The following GLDN variants were observed in gnomAD, a reference collection of about 807,000 sequenced individuals.
The protein encoded by GLDN is collomin.
GLDN carries 47 observed loss-of-function variants against 56.5 expected under a neutral mutation model. The ratio of observed to expected loss-of-function variants is 0.83; its 90% CI spans 0.66 to 1.06. The LOEUF is 1.06. Ranked by LOEUF, GLDN falls within the 50% of genes least tolerant of loss-of-function variation. GLDN has a pLI of 0.00. For synonymous variants in GLDN, 332 were observed against 278.8 expected, an observed-to-expected ratio of 1.19 and a Z score of -1.90; for missense variants, 782 against 714.3, an observed-to-expected ratio of 1.09 and a Z score of -1.08.
intron 6 of GLDN, among the ~76,000 whole-genome samples, chr15:51,399,323 A>G (rs1347668806): frequency 6.6e-6 from 1 of 152,146 alleles, no homozygotes; most frequent in Non-Finnish European, 1.5e-5. Context: ...GATTTCCATC[A>G]AGCAACCACA....
intron 9 of GLDN, 129 bp from the exon 10 acceptor site, chr15:51,404,148 C>T: frequency 1.4e-6 from 1 of 710,762 alleles, no homozygotes; most frequent in Non-Finnish European, 2.4e-6. Context: ...TACCTGGGAG[C>T]TTGTAAGGAA....
downstream of GLDN, among the ~76,000 whole-genome samples, chr15:51,410,133 T>C (rs868327904): frequency 6.6e-6 from 1 of 152,316 alleles, no homozygotes; most frequent in African/African-American, 2.4e-5. Context: ...ATCTCTATGC[T>C]GTGGTGTCTC....
At position 51,377,497 on chromosome 15, in the gene GLDN, A is replaced by G. The variant is rs749563670; in HGVS notation, c.412A>G (p.Thr138Ala). Residue 138 changes from threonine to alanine, a missense_variant, in exon 2 of 10, where the codon ACA becomes GCA. Thr to Ala is a moderately conservative substitution (Grantham distance 58, BLOSUM62 0). Coordinates refer to ENST00000335449, the MANE Select transcript of GLDN (RefSeq NM_181789.4). ...LCNSTKGICL[T>A]GPSGPPGPPG... The stretch of plus-strand genomic sequence containing the variant: ...CAACAGCACCAAGGGCATCTGCCTC[A>G]CAGGTAGGCTGGCCGCTGAGCAGAG... The G allele has an allele frequency of 1.4e-5, 22 of 1,613,706 alleles. No homozygotes were observed. The Middle Eastern group carries it at 4.9e-4, about 36-fold the overall frequency.
intron 1 of GLDN, among the ~76,000 whole-genome samples, chr15:51,366,333 G>A (rs1241781704): frequency 6.6e-6 from 1 of 152,214 alleles, no homozygotes; most frequent in Non-Finnish European, 1.5e-5. Context: ...TGAGGGAAAA[G>A]CACAAGGACT....
chr15:51,375,677 G>A (rs2037614522), intron 1 of GLDN, among the ~76,000 whole-genome samples: 1 of 152,172 alleles, frequency 6.6e-6, no homozygotes, highest in Non-Finnish European at 1.5e-5. Flanking sequence ...GCCACAGGTG[G>A]TCATCCAGTG....
intron 1 of GLDN, among the ~76,000 whole-genome samples, chr15:51,372,764 C>T (rs145990844): frequency 7.2e-5 from 11 of 152,266 alleles, no homozygotes; most frequent in African/African-American, 1.7e-4. Flanking sequence ...GGCCTGGGAC[C>T]GGGCACTATT....
chr15:51,394,759 A>C (rs2038088448), intron 4 of GLDN, 76 bp from the exon 5 acceptor site: 2 of 1,505,296 alleles, frequency 1.3e-6, no homozygotes, highest in South Asian at 2.4e-5. Context: ...TGGAAAGCAC[A>C]AAGCACAGTA....
In GLDN at chr15:51,400,204, C is replaced by T; in HGVS notation, c.830C>T (p.Ala277Val). ...GTTGTCATTTTAGGTGAGACTTGTGCCATACCAAATGATGATACCTTGGTT... is the reference window on the plus strand; with the variant it reads ...GTTGTCATTTTAGGTGAGACTTGTGTCATACCAAATGATGATACCTTGGTT... ...FNGQCPGETCAIPNDDTLVGK... is the reference protein window; with the variant it reads ...FNGQCPGETCVIPNDDTLVGK... Residue 277 changes from alanine to valine, a missense_variant, in exon 7 of 10, where the codon GCC (alanine) becomes GTC (valine). By Grantham distance (64) the Ala-to-Val change is moderately conservative. Coordinates refer to ENST00000335449, the MANE Select transcript of GLDN (RefSeq NM_181789.4). 6.2e-7 allele frequency: 1 copy of T among 1,613,940 alleles called. No homozygotes were observed.
intron 1 of GLDN, among the ~76,000 whole-genome samples, chr15:51,365,985 C>T (rs941500698): frequency 6.6e-6 from 1 of 152,194 alleles, no homozygotes; most frequent in African/African-American, 2.4e-5. Flanking sequence ...GCAGGACTCA[C>T]AAATAGGCAA....
chr15:51,358,506 A>G (rs559546089), intron 1 of GLDN, among the ~76,000 whole-genome samples: 1 of 152,322 alleles, frequency 6.6e-6, no homozygotes, highest in East Asian at 1.9e-4. Context: ...CTGTGTGGCT[A>G]AAAAAGGACA....
intron 4 of GLDN, among the ~76,000 whole-genome samples, chr15:51,390,354 T>G (rs559215353): frequency 2.6e-5 from 4 of 152,180 alleles, no homozygotes; most frequent in Non-Finnish European, 1.5e-5. Flanking sequence ...CTGTATTCAT[T>G]TGGAAACACT....
At chr15:51,395,023 C>T in intron 5 of GLDN, 42 bp downstream of exon 5, 1 of 1,508,022 alleles carries the variant, frequency 6.6e-7, no homozygotes, top group Middle Eastern at 1.9e-4. Flanking sequence ...GGCTTGTGCG[C>T]CCAGAGAACT....
chr15:51,378,490 G>C (rs545481605), intron 2 of GLDN, among the ~76,000 whole-genome samples: 18 of 152,144 alleles, frequency 1.2e-4, no homozygotes, highest in Admixed American at 3.3e-4. Flanking sequence ...AGGCACAAAA[G>C]CCTGTTGAGA....
In GLDN at chr15:51,400,249, C is replaced by A; in HGVS notation, c.875C>A (p.Ala292Asp). 6.2e-7 allele frequency: 1 copy of A among 1,614,142 alleles called. No homozygotes were observed. Among genetic ancestry groups the A allele is most frequent in the Non-Finnish European group, 8.5e-7 (1 of 1,180,006 alleles). ...DTLVGKADEK[A>D]SEHHSPQAES... ...TTGGTTGGAAAAGCTGATGAGAAAG[C>A]CAGTGAACACCATTCCCCACAAGCA... is the stretch of plus-strand genomic sequence containing the variant. The change falls in exon 7 of 10, where the codon GCC (alanine) becomes GAC (aspartate). Residue 292 changes from alanine (A) to aspartate (D), a missense_variant. By Grantham distance (126) the Ala-to-Asp change is moderately radical. Transcript: ENST00000335449.
chr15:51,361,974 G>C (rs922504358), intron 1 of GLDN, among the ~76,000 whole-genome samples: 1 of 152,054 alleles, frequency 6.6e-6, no homozygotes, highest in African/African-American at 2.4e-5. Context: ...ATTAGGGAGG[G>C]GTAATAGGAA....
At chr15:51,409,633 G>T (rs1390002855), downstream of GLDN, among the ~76,000 whole-genome samples, 1 of 152,184 alleles carries the variant, frequency 6.6e-6, no homozygotes, top group African/African-American at 2.4e-5. Context: ...CGCTTGCCCA[G>T]AGGCCACATC....
intron 1 of GLDN, among the ~76,000 whole-genome samples, chr15:51,357,162 A>G (rs1230123605): frequency 6.6e-6 from 1 of 152,222 alleles, no homozygotes; most frequent in African/African-American, 2.4e-5. Flanking sequence ...CTTCCACCAC[A>G]TGGAAGCTTT....
intron 2 of GLDN, among the ~76,000 whole-genome samples, chr15:51,381,827 G>T (rs1213133513): frequency 3.4e-5 from 5 of 149,156 alleles, no homozygotes; most frequent in Non-Finnish European, 5.9e-5. Context: ...CTGTGTCACT[G>T]TCTCTCTCGT....
At chr15:51,346,764 A>C (rs1288935458) in intron 1 of GLDN, among the ~76,000 whole-genome samples, 2 of 152,212 alleles carry the variant, frequency 1.3e-5, no homozygotes, top group South Asian at 4.1e-4. Context: ...CAAAAGCAAA[A>C]GATAAATAAC....
Sources: allele counts gnomAD v4.1 joint callset (sites outside exome capture counted in the v4.1 genomes callset), GRCh38; gene constraint gnomAD v4.1.1; transcripts MANE v1.5; gene names NCBI Gene and HGNC (gene_info 2026-07-23, HGNC 2026-07-21).